Variants in GRM7 observed in about 807,000 individuals in gnomAD.
The protein encoded by GRM7 is metabotropic glutamate receptor 7.
Under a neutral mutation model 84.5 loss-of-function variants are expected in GRM7, and 35 were observed. The ratio of observed to expected loss-of-function variants is 0.41; its 90% CI spans 0.32 to 0.55. The LOEUF (loss-of-function observed/expected upper bound fraction) is 0.55, where lower values mean the gene tolerates loss of function less well. Ranked by LOEUF, GRM7 falls within the 20% of genes least tolerant of loss-of-function variation. GRM7 has a pLI of 0.19. For synonymous variants in GRM7, 487 were observed against 455.1 expected, an observed-to-expected ratio of 1.07 and a Z score of -0.89; for missense variants, 1,003 against 1,194.6, an observed-to-expected ratio of 0.84 and a Z score of 2.36.
chr3:7,640,130 C>T (rs1028134843), intron 8 of GRM7, among the ~76,000 whole-genome samples: 24 of 152,066 alleles, frequency 1.6e-4, no homozygotes, highest in Admixed American at 9.8e-4. Context: ...TCTTCCTATC[C>T]GCCACAATGC....
intron 1 of GRM7, among the ~76,000 whole-genome samples, chr3:7,000,654 C>A (rs1056504507): frequency 6.6e-6 from 1 of 152,152 alleles, no homozygotes; most frequent in Non-Finnish European, 1.5e-5. Flanking sequence ...GGCTCACAAC[C>A]ACAAGCCTTT....
intron 1 of GRM7, among the ~76,000 whole-genome samples, chr3:7,099,294 A>C (rs1371338767): frequency 2.1e-5 from 3 of 144,452 alleles, no homozygotes; most frequent in African/African-American, 5.4e-5. Context: ...TTATACATGT[A>C]TATATGTACA....
chr3:7,482,495 G>A (rs192538256), intron 7 of GRM7, among the ~76,000 whole-genome samples: 128 of 152,276 alleles, frequency 8.4e-4, no homozygotes, highest in African/African-American at 2.9e-3. Flanking sequence ...GTCAATGTGA[G>A]GTATATTTTT....
At chr3:7,131,980 T>C (rs1052028771) in intron 1 of GRM7, among the ~76,000 whole-genome samples, 4 of 152,168 alleles carry the variant, frequency 2.6e-5, no homozygotes, top group Non-Finnish European at 4.4e-5. Flanking sequence ...GACACCTACT[T>C]CATTACTTTT....
intron 4 of GRM7, among the ~76,000 whole-genome samples, chr3:7,385,865 G>C (rs556253089): frequency 6.6e-6 from 1 of 152,100 alleles, no homozygotes; most frequent in African/African-American, 2.4e-5. Context: ...TGGTATATTC[G>C]TATCTTGAAA....
intron 7 of GRM7, among the ~76,000 whole-genome samples, chr3:7,464,290 G>T (rs1698372105): frequency 6.6e-6 from 1 of 152,154 alleles, no homozygotes; most frequent in African/African-American, 2.4e-5. Context: ...GGCAACACAT[G>T]AGATGAGGGA....
chr3:7,031,026 A>G (rs1696164937), intron 1 of GRM7, among the ~76,000 whole-genome samples: 2 of 152,214 alleles, frequency 1.3e-5, no homozygotes, highest in Admixed American at 1.3e-4. Context: ...AGCAAGAAAT[A>G]CTTTGACATT....
chr3:6,969,086 G>T (rs182690365), intron 1 of GRM7, among the ~76,000 whole-genome samples: 157 of 138,510 alleles, frequency 1.1e-3, no homozygotes, highest in African/African-American at 4.3e-3. Flanking sequence ...ACAAACCAGG[G>T]TGTTTTTTTT....
At chr3:7,433,513 T>C (rs1240878492) in intron 5 of GRM7, among the ~76,000 whole-genome samples, 2 of 152,208 alleles carry the variant, frequency 1.3e-5, no homozygotes, top group Admixed American at 1.3e-4. Flanking sequence ...GAAGGGTATG[T>C]GGTGAGACAG....
At chr3:7,263,713 G>T (rs564553542) in intron 2 of GRM7, among the ~76,000 whole-genome samples, 1 of 152,140 alleles carries the variant, frequency 6.6e-6, no homozygotes, top group South Asian at 2.1e-4. Flanking sequence ...GCCTAGTTTC[G>T]TGCTGGTAGC....
intron 8 of GRM7, among the ~76,000 whole-genome samples, chr3:7,609,506 G>A (rs1575551239): frequency 6.6e-6 from 1 of 152,292 alleles, no homozygotes; most frequent in African/African-American, 2.4e-5. Flanking sequence ...TGCAGAGCTC[G>A]TGGAACAGAA....
At position 6,934,652 on chromosome 3, in the gene GRM7, G is replaced by A. The variant is rs1052580058; in HGVS notation, c.519+72745G>A. ...AGATATAGAGGAGAGAAGAGCAGGGGTGGAGATGACTCGGTTGTTGTGGTG... is the reference window on the plus strand; with the variant it reads ...AGATATAGAGGAGAGAAGAGCAGGGATGGAGATGACTCGGTTGTTGTGGTG... On this transcript the variant is annotated intron_variant, in intron 1 of 9. Transcript: ENST00000357716. Among the ~76,000 whole-genome samples the A allele has an allele frequency of 2.6e-5, 4 of 152,246 alleles. No homozygotes were observed. The South Asian group carries it at 8.3e-4, about 32-fold the overall frequency.
At position 7,709,002 on chromosome 3, in the gene GRM7, C is replaced by G. The variant is rs371455960; in HGVS notation, c.2698+28707C>G. Among the ~76,000 whole-genome samples the G allele has an allele frequency of 4.0e-5, 6 of 151,874 alleles. No homozygotes were observed. The East Asian group carries it at 1.2e-3, about 29-fold the overall frequency. ...TCAATTCAATCACCAGGTCTTGTTG[C>G]TTTTACCCGATACATTGTTTATCTC... On this transcript the variant is annotated intron_variant, in intron 9 of 9. Coordinates refer to ENST00000357716, the MANE Select transcript of GRM7 (RefSeq NM_000844.4).
At chr3:6,994,992 A>T (rs1694781890) in intron 1 of GRM7, among the ~76,000 whole-genome samples, 1 of 152,184 alleles carries the variant, frequency 6.6e-6, no homozygotes, top group Non-Finnish European at 1.5e-5. Context: ...GAATCACATG[A>T]CTGGCTTTGG....
intron 8 of GRM7, among the ~76,000 whole-genome samples, chr3:7,665,922 CT>C (rs1270265188): frequency 2.6e-5 from 4 of 152,152 alleles, no homozygotes; most frequent in Non-Finnish European, 5.9e-5. Flanking sequence ...GTGCACCATA[CT>C]TTGGAATTAT....
In GRM7 at chr3:7,611,788, T is replaced by G. The variant is rs540999049; in HGVS notation, c.2451+32431T>G. On this transcript the variant is annotated intron_variant, in intron 8 of 9. Transcript: ENST00000357716. ...AGCAAGATCCCAGGTGACCTACATATGCCCATTAAAGGTAGAAATGGACAG... is the reference window on the plus strand; with the variant it reads ...AGCAAGATCCCAGGTGACCTACATAGGCCCATTAAAGGTAGAAATGGACAG... 5.3e-5 allele frequency among the ~76,000 whole-genome samples: 8 copies of G among 152,184 alleles called. No homozygotes were observed. The East Asian group carries it at 1.5e-3, about 29-fold the overall frequency.
At chr3:7,008,790 T>TCTTTCTC (rs1177737834) in intron 1 of GRM7, among the ~76,000 whole-genome samples, 1 of 152,164 alleles carries the variant, frequency 6.6e-6, no homozygotes, top group African/African-American at 2.4e-5. Flanking sequence ...TTCCTCCTCT[T>TCTTTCTC]CTTTCTCCTT....
At chr3:7,280,264 T>C (rs932571535) in intron 2 of GRM7, among the ~76,000 whole-genome samples, 21 of 152,342 alleles carry the variant, frequency 1.4e-4, no homozygotes, top group Non-Finnish European at 2.5e-4. Flanking sequence ...TGGAAAGTCC[T>C]TGGTCTCTGA....
chr3:7,733,131 G>A (rs898463850), intron 9 of GRM7, among the ~76,000 whole-genome samples: 1 of 152,146 alleles, frequency 6.6e-6, no homozygotes, highest in South Asian at 2.1e-4. Flanking sequence ...TTTATGACCT[G>A]TATCTTGTGC....
Sources: allele counts gnomAD v4.1 joint callset (sites outside exome capture counted in the v4.1 genomes callset), GRCh38; gene constraint gnomAD v4.1.1; transcripts MANE v1.5; gene names NCBI Gene and HGNC (gene_info 2026-07-23, HGNC 2026-07-21).